The following AEBP2 variants were observed in gnomAD, a reference collection of about 807,000 sequenced individuals.
AEBP2 encodes the protein AE binding protein 2.
Under a neutral mutation model 50.8 loss-of-function variants are expected in AEBP2, and 10 were observed. The observed-to-expected ratio is 0.20, with a 90% CI of 0.12 to 0.33. The LOEUF (loss-of-function observed/expected upper bound fraction) is 0.33, where lower values mean the gene tolerates loss of function less well. Ranked by LOEUF, AEBP2 falls within the 10% of genes least tolerant of loss-of-function variation. AEBP2 has a pLI of 1.00. For synonymous variants in AEBP2, 296 were observed against 261.3 expected, an observed-to-expected ratio of 1.13 and a Z score of -1.28; for missense variants, 570 against 688.0, an observed-to-expected ratio of 0.83 and a Z score of 1.92.
chr12:19,467,205 C>T (rs1194159719), intron 2 of AEBP2, among the ~76,000 whole-genome samples: 1 of 138,558 alleles, frequency 7.2e-6, no homozygotes, highest in Non-Finnish European at 1.7e-5. Flanking sequence ...CATGCCCAGA[C>T]CAATACACCT....
At chr12:19,479,723 T>C (rs1176243033) in intron 3 of AEBP2, among the ~76,000 whole-genome samples, 1,334 of 81,940 alleles carry the variant, frequency 0.016, 10 homozygotes, top group East Asian at 0.044. Flanking sequence ...GTGGGTTTTT[T>C]TTTTTTTTTT....
intron 3 of AEBP2, among the ~76,000 whole-genome samples, chr12:19,481,462 GTTTCT>G (rs950114430): frequency 6.7e-6 from 1 of 149,474 alleles, no homozygotes; most frequent in African/African-American, 2.5e-5. Flanking sequence ...TGTGATTGTT[GTTTCT>G]TTTCTTTTCT....
chr12:19,471,914 A>C (rs1047349489), intron 2 of AEBP2, among the ~76,000 whole-genome samples: 2 of 152,092 alleles, frequency 1.3e-5, no homozygotes, highest in African/African-American at 4.8e-5. Flanking sequence ...CTTGGCCATT[A>C]GTTTATAAAC....
In AEBP2 at chr12:19,500,157, G is replaced by T; in HGVS notation, c.1235G>T (p.Cys412Phe). ...TLDAIRHRAI[C>F]FNLSAHIESL... ...GATGCGATAAGACATCGAGCCATATGCTTTAACCTCTCAGCTCATATAGAA... is the reference window on the plus strand; with the variant it reads ...GATGCGATAAGACATCGAGCCATATTCTTTAACCTCTCAGCTCATATAGAA... Residue 412 changes from cysteine (C) to phenylalanine (F), a missense_variant, in exon 5 of 8, where the codon TGC becomes TTC. Coordinates refer to ENST00000266508, the MANE Select transcript of AEBP2 (RefSeq NM_153207.5). The T allele has an allele frequency of 6.2e-7, 1 of 1,603,502 alleles. No individual in the cohort carries two copies. The highest frequency in any genetic ancestry group is 8.5e-7 in the Non-Finnish European group (1 of 1,174,840).
intron 1 of AEBP2, among the ~76,000 whole-genome samples, chr12:19,414,563 C>T (rs927710597): frequency 6.6e-6 from 1 of 152,172 alleles, no homozygotes; most frequent in Non-Finnish European, 1.5e-5. Flanking sequence ...GGGACAAGTG[C>T]AGGCTCAGCA....
chr12:19,468,126 TTGTGTGTGTGTGTGTGTGTGTG>T (rs10643072), intron 2 of AEBP2, among the ~76,000 whole-genome samples: 4 of 144,064 alleles, frequency 2.8e-5, no homozygotes, highest in African/African-American at 1.0e-4. Context: ...CTGCCTGACT[TTGTGTGTGTGTGTGTGTGTGTG>T]TGTGTGTGTA....
At chr12:19,444,272 A>C (rs1269822063) in intron 1 of AEBP2, among the ~76,000 whole-genome samples, 1 of 152,262 alleles carries the variant, frequency 6.6e-6, no homozygotes, top group African/African-American at 2.4e-5. Context: ...ATCAAATGTC[A>C]GCACTTGTTA....
intron 5 of AEBP2, among the ~76,000 whole-genome samples, chr12:19,503,828 C>G (rs1238466137): frequency 6.6e-6 from 1 of 151,906 alleles, no homozygotes; most frequent in African/African-American, 2.4e-5. Context: ...TACTGATATC[C>G]TTTGTCTTTC....
intron 1 of AEBP2, among the ~76,000 whole-genome samples, chr12:19,425,649 T>C (rs1297733335): frequency 6.6e-6 from 1 of 151,768 alleles, no homozygotes; most frequent in Non-Finnish European, 1.5e-5. Flanking sequence ...GGCACACCCC[T>C]GTAGTCCCAG....
chr12:19,448,498 A>G (rs11044567), intron 1 of AEBP2, among the ~76,000 whole-genome samples: 3,406 of 151,838 alleles, frequency 0.022, 49 homozygotes, highest in East Asian at 0.043. Context: ...AAAAAAAAAA[A>G]GTAAAGATCA....
chr12:19,512,430 G>A lies in AEBP2; in HGVS notation c.1332G>A (p.Lys444=), dbSNP rs1216562999. ...CTAAGAGAAAAGAAGATTCTGGGAA[G>A]ATCAAACTTTTGCTTCATTGGATGC... is the stretch of plus-strand genomic sequence containing the variant. ...VIAKRKEDSG[K]IKLLLHWMPE... The change falls in exon 6 of 8, where the codon AAG becomes AAA. Residue 444 remains lysine, a synonymous_variant. Transcript: ENST00000266508. 1.3e-6 allele frequency: 2 copies of A among 1,579,896 alleles called. No homozygotes were observed. The highest frequency in any genetic ancestry group is 2.7e-5 in the African/African-American group (2 of 74,226).
chr12:19,468,899 C>A lies in AEBP2; in HGVS notation c.880-4349C>A, dbSNP rs892411192. ...ACATCTACATCTTACATGTAAGGAACTTGAAGATTTCTTTAGCAGTCCAAA... is the reference window on the plus strand; with the variant it reads ...ACATCTACATCTTACATGTAAGGAAATTGAAGATTTCTTTAGCAGTCCAAA... On this transcript the variant is annotated intron_variant, in intron 2 of 7. Transcript: ENST00000266508. Among the ~76,000 whole-genome samples, 14 of 152,132 alleles carry A rather than the reference C, an allele frequency of 9.2e-5. No homozygotes were observed. The East Asian group carries it at 2.7e-3, about 29-fold the overall frequency.
chr12:19,419,808 T>A (rs1268926432), intron 1 of AEBP2, among the ~76,000 whole-genome samples: 2 of 149,960 alleles, frequency 1.3e-5, no homozygotes. Flanking sequence ...TGTGCGTCTG[T>A]AATCCCAGAT....
chr12:19,440,409 T>G, intron 1 of AEBP2, 39 bp downstream of exon 1: 1 of 1,459,766 alleles, frequency 6.9e-7, no homozygotes, highest in Non-Finnish European at 9.0e-7. Context: ...CTTCCTCCTC[T>G]TGAACTCCCG....
At position 19,518,266 on chromosome 12, in the gene AEBP2, G is replaced by C; in HGVS notation, c.*149G>C. 1 of 1,282,902 alleles carries C rather than the reference G, an allele frequency of 7.8e-7. No individual in the cohort carries two copies. Among genetic ancestry groups the C allele is most frequent in the Non-Finnish European group, 9.8e-7 (1 of 1,015,682 alleles). The allele number at this position is 1,282,902 out of a possible 1,614,324, so 79.5% of individuals were successfully genotyped here. A position where few individuals can be genotyped will look rare whatever the true frequency, so the allele number is the denominator to read the frequency against. On this transcript the variant is annotated 3_prime_UTR_variant, in exon 8 of 8. Transcript: ENST00000266508. ...ATCCAGTATTTAGGATAATATTTAT[G>C]CTTAGTGTAAACATTCTGTGAATGA...
chr12:19,410,158 ACCT>A (rs1408818063), intron 1 of AEBP2, among the ~76,000 whole-genome samples: 1 of 152,018 alleles, frequency 6.6e-6, no homozygotes, highest in Non-Finnish European at 1.5e-5. Context: ...TCACTGCTCA[ACCT>A]CCTTTTTCTC....
chr12:19,429,537 C>T (rs2095750328), intron 1 of AEBP2, among the ~76,000 whole-genome samples: 1 of 152,146 alleles, frequency 6.6e-6, no homozygotes, highest in Non-Finnish European at 1.5e-5. Flanking sequence ...GTTCTAGATC[C>T]CTGAGGAATC....
At chr12:19,478,214 A>C (rs1189917971) in intron 3 of AEBP2, among the ~76,000 whole-genome samples, 1 of 151,730 alleles carries the variant, frequency 6.6e-6, no homozygotes, top group Non-Finnish European at 1.5e-5. Context: ...CTTTTCTTCT[A>C]CTGGGTTTGG....
In AEBP2 at chr12:19,426,952, C is replaced by T. The variant is rs557087574; in HGVS notation, c.-17+22736C>T. 4.6e-5 allele frequency among the ~76,000 whole-genome samples: 7 copies of T among 152,142 alleles called. No homozygotes were observed. The South Asian group carries it at 1.5e-3, about 32-fold the overall frequency. The stretch of plus-strand genomic sequence containing the variant: ...TCTGAGACTGTCTGTGAGGACGTTT[C>T]TGGAAGAGATTAGTGTTGGAATCTG... On this transcript the variant is annotated intron_variant, in intron 1 of 3. Transcript: ENST00000538425.
Sources: allele counts gnomAD v4.1 joint callset (sites outside exome capture counted in the v4.1 genomes callset), GRCh38; gene constraint gnomAD v4.1.1; transcripts MANE v1.5; gene names NCBI Gene and HGNC (gene_info 2026-07-23, HGNC 2026-07-21).